Variants in ARHGEF10 observed in about 807,000 individuals in gnomAD.
The protein encoded by ARHGEF10 is Rho guanine nucleotide exchange factor (GEF) 10.
In ARHGEF10, 140 loss-of-function variants were observed where a neutral mutation model predicts 147.4. That is an observed-to-expected ratio of 0.95 (90% CI 0.83 to 1.09). The LOEUF is 1.09. ARHGEF10 is among the 50% of genes least tolerant of loss of function. The pLI is 0.00. For missense variants in ARHGEF10, 2,222 were observed against 1,752.7 expected, an observed-to-expected ratio of 1.27 and a Z score of -4.78; for synonymous variants, 902 against 695.8, an observed-to-expected ratio of 1.30 and a Z score of -4.67.
chr8:1,832,324 A>C (rs1803166387), intron 1 of ARHGEF10, among the ~76,000 whole-genome samples: 1 of 152,146 alleles, frequency 6.6e-6, no homozygotes, highest in African/African-American at 2.4e-5. Flanking sequence ...GCAGAGGCAG[A>C]GACAGAGACA....
In ARHGEF10 at chr8:1,876,671, G is replaced by A. The variant is rs1265868424; in HGVS notation, c.780G>A (p.Gln260=). The change falls in exon 8 of 29, where the codon CAG becomes CAA. Residue 260 remains glutamine (Q), a synonymous_variant. Coordinates refer to ENST00000349830, the MANE Select transcript of ARHGEF10 (RefSeq NM_014629.4). ...GTGAATTTGAAAGTTACGAAGAGCA[G>A]AGTGACTCGGAGTGCAAGAATGGGA... The part of the protein sequence containing the change: ...SSSEFESYEE[Q]SDSECKNGIP... 6.2e-7 allele frequency: 1 copy of A among 1,614,248 alleles called. No individual in the cohort carries two copies. The highest frequency in any genetic ancestry group is 8.5e-7 in the Non-Finnish European group (1 of 1,180,056).
intron 17 of ARHGEF10, among the ~76,000 whole-genome samples, chr8:1,908,454 A>G (rs548867056): frequency 2.2e-4 from 34 of 152,152 alleles, no homozygotes; most frequent in Non-Finnish European, 3.2e-4. Context: ...GGATGGTCTC[A>G]ATCTCCTGAC....
At chr8:1,825,945 G>T in intron 1 of ARHGEF10, 1 of 648,256 alleles carries the variant, frequency 1.5e-6, no homozygotes, top group Non-Finnish European at 2.7e-6. Flanking sequence ...TTGAACACCT[G>T]CTTTATAGAA....
chr8:1,900,880 C>T (rs59407678), intron 15 of ARHGEF10, among the ~76,000 whole-genome samples: 4,714 of 152,232 alleles, frequency 0.031, 264 homozygotes, highest in African/African-American at 0.11. Context: ...TTAGAATTTC[C>T]CACACAGGGT....
intron 2 of ARHGEF10, among the ~76,000 whole-genome samples, chr8:1,854,691 A>C (rs565198018): frequency 3.3e-5 from 5 of 151,934 alleles, no homozygotes; most frequent in African/African-American, 4.8e-5. Flanking sequence ...TGTATAGTAG[A>C]ATTCTACTTA....
intron 27 of ARHGEF10, chr8:1,945,986 T>C (rs1339374469): frequency 2.1e-6 from 1 of 466,794 alleles, no homozygotes; most frequent in South Asian, 2.1e-5. Context: ...AACAAGGCCC[T>C]GGGGAAGCCA....
At chr8:1,931,791 C>T (rs1296685781) in intron 25 of ARHGEF10, among the ~76,000 whole-genome samples, 8 of 36,162 alleles carry the variant, frequency 2.2e-4, no homozygotes, top group Non-Finnish European at 4.7e-4. Flanking sequence ...TGCCTGGTTC[C>T]GGCTGCGATT....
intron 17 of ARHGEF10, among the ~76,000 whole-genome samples, chr8:1,906,578 C>A (rs1810912056): frequency 6.6e-6 from 1 of 152,182 alleles, no homozygotes; most frequent in Non-Finnish European, 1.5e-5. Flanking sequence ...CCCTCCTCAC[C>A]TTGCCTTAGA....
At chr8:1,945,899 C>T (rs577925005) in intron 27 of ARHGEF10, 147 of 686,606 alleles carry the variant, frequency 2.1e-4, no homozygotes, top group South Asian at 3.3e-4. Flanking sequence ...GGAGGAGCCG[C>T]GTGCTGGGAG....
chr8:1,939,094 A>G (rs1813866871), intron 26 of ARHGEF10, among the ~76,000 whole-genome samples: 1 of 152,186 alleles, frequency 6.6e-6, no homozygotes, highest in Non-Finnish European at 1.5e-5. Flanking sequence ...ACACCCCTGA[A>G]CACTGTGGAA....
At chr8:1,925,208 T>C in intron 21 of ARHGEF10, 75 bp from the exon 22 acceptor site, 1 of 1,584,664 alleles carries the variant, frequency 6.3e-7, no homozygotes, top group Non-Finnish European at 8.6e-7. Flanking sequence ...TCCCCTGCTA[T>C]GACCTGTGGA....
At position 1,951,799 on chromosome 8, in the gene ARHGEF10, G is replaced by A. The variant is rs541287757; in HGVS notation, c.3398-906G>A. 7.9e-5 allele frequency among the ~76,000 whole-genome samples: 12 copies of A among 152,368 alleles called. No individual in the cohort carries two copies. In the South Asian group the frequency reaches 1.4e-3, roughly 18 times the overall value. On this transcript the variant is annotated intron_variant, in intron 27 of 28. Coordinates refer to ENST00000349830, the MANE Select transcript of ARHGEF10 (RefSeq NM_014629.4). Reference sequence around the variant, plus strand: ...CCGCGATGCTGACGATTGTGTCAGAGTTGTGGTGGAATGATGTGACAGTCC... The same window carrying A: ...CCGCGATGCTGACGATTGTGTCAGAATTGTGGTGGAATGATGTGACAGTCC...
At position 1,876,883 on chromosome 8, in the gene ARHGEF10, G is replaced by A. The variant is rs751573115; in HGVS notation, c.843+149G>A. 4.6e-6 allele frequency: 4 copies of A among 876,446 alleles called. No homozygotes were observed. The East Asian group carries it at 1.0e-4, about 23-fold the overall frequency. 54.3% of individuals were successfully genotyped at this position (876,446 alleles called of 1,614,324 possible). On this transcript the variant is annotated intron_variant, in intron 8 of 28. Transcript: ENST00000349830. Reference sequence around the variant, plus strand: ...GGGGAAAGCATAAGATATTGGCAAAGGAGAAGACGTGTCTTGTTTCATATA... The same window carrying A: ...GGGGAAAGCATAAGATATTGGCAAAAGAGAAGACGTGTCTTGTTTCATATA...
intron 27 of ARHGEF10, among the ~76,000 whole-genome samples, 157 bp from the exon 28 acceptor site, chr8:1,952,548 G>A (rs543666578): frequency 3.3e-5 from 5 of 152,348 alleles, no homozygotes; most frequent in Admixed American, 6.5e-5. Context: ...GGTTGAGGGA[G>A]CCTGGTGCTC....
In ARHGEF10 at chr8:1,873,745, C is replaced by T. The variant is rs1302841908; in HGVS notation, c.680-2826C>T. On this transcript the variant is annotated intron_variant, in intron 7 of 28. Transcript: ENST00000349830. The stretch of plus-strand genomic sequence containing the variant: ...ATTTCCTAGTTGCCTTGAGAGGTGC[C>T]GCGGGGTAGTGCACCCACATTTCTT... Among the ~76,000 whole-genome samples the T allele has an allele frequency of 2.6e-5, 4 of 151,820 alleles. 1 individual carries two copies. Among genetic ancestry groups the T allele is most frequent in the African/African-American group, 9.7e-5 (4 of 41,290 alleles).
intron 5 of ARHGEF10, among the ~76,000 whole-genome samples, chr8:1,865,931 G>A (rs887098590): frequency 6.6e-6 from 1 of 152,188 alleles, no homozygotes; most frequent in Non-Finnish European, 1.5e-5. Flanking sequence ...CTCATGGGGC[G>A]ATGCTTGGTG....
At chr8:1,874,230 C>G (rs528094709) in intron 7 of ARHGEF10, among the ~76,000 whole-genome samples, 1 of 152,190 alleles carries the variant, frequency 6.6e-6, no homozygotes, top group Non-Finnish European at 1.5e-5. Flanking sequence ...ACAGCAATTG[C>G]GTTTCTAAAA....
intron 11 of ARHGEF10, among the ~76,000 whole-genome samples, chr8:1,888,209 G>A (rs1240482012): frequency 6.9e-5 from 6 of 87,468 alleles, no homozygotes; most frequent in African/African-American, 2.6e-4. Context: ...GACACTTAGT[G>A]GGGCGAGGGT....
rs1563238926 is a variant in ARHGEF10 at position 1,889,603 on chromosome 8, A to AATGGG, written c.1182+3896_1182+3897insATGGG. On this transcript the variant is annotated intron_variant, in intron 11 of 28. Coordinates refer to ENST00000349830, the MANE Select transcript of ARHGEF10 (RefSeq NM_014629.4). ...GTGAGGGGTTTGTGAGGAGACACTG[A>AATGGG]GTGTGGGTGAGGGGTCTGTGAGGAG... Among the ~76,000 whole-genome samples, 5 of 92,624 alleles carry AATGGG rather than the reference A, an allele frequency of 5.4e-5. 1 individual carries two copies. The highest frequency in any genetic ancestry group is 1.4e-4 in the African/African-American group (3 of 21,218). 60.8% of individuals were successfully genotyped at this position (92,624 alleles called of 152,430 possible).
Sources: gnomAD v4.1 joint callset for allele counts (sites outside exome capture counted in the v4.1 genomes callset) on GRCh38, gnomAD v4.1.1 for gene constraint, MANE v1.5 for transcripts, NCBI Gene and HGNC (gene_info 2026-07-23, HGNC 2026-07-21) for gene names.